Variants in VPS35L observed in about 807,000 individuals in gnomAD.
VPS35L encodes VPS35 endosomal protein-sorting factor-like.
In VPS35L, 83 loss-of-function variants were observed where a neutral mutation model predicts 133.0. The ratio of observed to expected loss-of-function variants is 0.62; its 90% CI spans 0.52 to 0.75. The LOEUF is 0.75. Ranked by LOEUF, VPS35L falls within the 30% of genes least tolerant of loss-of-function variation. The probability of loss-of-function intolerance (pLI) is 0.00; values close to 1 mark genes in which losing one functional copy is unlikely to be tolerated. For synonymous variants in VPS35L, 423 were observed against 449.9 expected, an observed-to-expected ratio of 0.94 and a Z score of 0.76; for missense variants, 1,083 against 1,206.8, an observed-to-expected ratio of 0.90 and a Z score of 1.52.
intron 26 of VPS35L, among the ~76,000 whole-genome samples, chr16:19,666,874 T>TTC (rs1209243268): frequency 3.6e-5 from 3 of 84,382 alleles, no homozygotes; most frequent in African/African-American, 4.8e-5. Flanking sequence ...GGCCATGTTT[T>TTC]TCTTTCTTTC....
At chr16:19,587,986 G>A (rs1056433303) in intron 7 of VPS35L, among the ~76,000 whole-genome samples, 11 of 151,668 alleles carry the variant, frequency 7.3e-5, no homozygotes, top group African/African-American at 2.7e-4. Flanking sequence ...TTTTAGTAGA[G>A]GTGGGGTTTC....
At chr16:19,686,509 G>A (rs1231353444) in intron 28 of VPS35L, among the ~76,000 whole-genome samples, 2 of 152,126 alleles carry the variant, frequency 1.3e-5, no homozygotes, top group Non-Finnish European at 2.9e-5. Flanking sequence ...GGATGCTTCT[G>A]TGAAGCCAAG....
At chr16:19,616,223 T>TA (rs1363177700) in intron 13 of VPS35L, 32 bp downstream of exon 13, 2 of 1,551,466 alleles carry the variant, frequency 1.3e-6, no homozygotes, top group South Asian at 2.2e-5. Flanking sequence ...AGCTCATCGA[T>TA]ATAACAGTTC....
At chr16:19,650,022 T>C (rs891572031) in intron 24 of VPS35L, among the ~76,000 whole-genome samples, 2 of 152,166 alleles carry the variant, frequency 1.3e-5, no homozygotes, top group African/African-American at 4.8e-5. Flanking sequence ...TGCTTTGGAG[T>C]TGTCTCTTAA....
At position 19,652,199 on chromosome 16, in the gene VPS35L, CAG is replaced by C. The variant is rs1411943033; in HGVS notation, c.2221+112_2221+113del. On this transcript the variant is annotated intron_variant, in intron 26 of 30. Transcript: ENST00000417362. ...AGACAAAGATTTCTTTTTTTAGAGACAGAGTCTCACTCTGTCACCCAGGCTGG... is the reference window on the plus strand; with the variant it reads ...AGACAAAGATTTCTTTTTTTAGAGACAGTCTCACTCTGTCACCCAGGCTGG... The C allele has an allele frequency of 1.2e-5, 10 of 802,800 alleles. No individual in the cohort carries two copies. In the South Asian group the frequency reaches 1.4e-4, roughly 12 times the overall value. 49.7% of individuals were successfully genotyped at this position (802,800 alleles called of 1,614,324 possible). A position where few individuals can be genotyped will look rare whatever the true frequency, so the allele number is the denominator to read the frequency against.
intron 27 of VPS35L, among the ~76,000 whole-genome samples, chr16:19,676,267 C>T (rs1975058853): frequency 6.6e-6 from 1 of 152,212 alleles, no homozygotes; most frequent in South Asian, 2.1e-4. Context: ...AACACACACA[C>T]AAAAAGAAAG....
intron 30 of VPS35L, 135 bp from the exon 31 acceptor site, chr16:19,700,243 C>T: frequency 4.3e-6 from 3 of 695,564 alleles, no homozygotes; most frequent in East Asian, 5.4e-5. Flanking sequence ...TTGATTTCTT[C>T]CCTCCTCTCA....
chr16:19,579,741 T>C (rs1971649513), intron 6 of VPS35L: 1 of 38,110 alleles, frequency 2.6e-5, no homozygotes, highest in Non-Finnish European at 4.0e-5. Context: ...AGCAGCCTTA[T>C]ATGGAGCACA....
chr16:19,583,896 C>T (rs1039383105), intron 7 of VPS35L, among the ~76,000 whole-genome samples: 5 of 152,150 alleles, frequency 3.3e-5, no homozygotes, highest in East Asian at 1.9e-4. Flanking sequence ...CTCTAGTCGT[C>T]GCTGTTCTAC....
At chr16:19,600,434 A>C (rs1480657762) in intron 8 of VPS35L, among the ~76,000 whole-genome samples, 1 of 152,172 alleles carries the variant, frequency 6.6e-6, no homozygotes, top group Non-Finnish European at 1.5e-5. Flanking sequence ...CAGGCTGCCT[A>C]CCTGTTGTGT....
At chr16:19,581,871 C>G in intron 7 of VPS35L, 1 of 594,352 alleles carries the variant, frequency 1.7e-6, no homozygotes, top group Non-Finnish European at 2.9e-6. Flanking sequence ...AGGTTGTGCA[C>G]TGCACAACTC....
intron 21 of VPS35L, among the ~76,000 whole-genome samples, chr16:19,640,648 T>C (rs747768121): frequency 1.8e-4 from 27 of 152,256 alleles, no homozygotes; most frequent in Admixed American, 2.6e-4. Context: ...AAATCAAATT[T>C]AGTTCTTTTC....
At chr16:19,568,493 G>A (rs577235848) in intron 2 of VPS35L, among the ~76,000 whole-genome samples, 164 of 152,054 alleles carry the variant, frequency 1.1e-3, no homozygotes, top group African/African-American at 3.6e-3. Context: ...CCGAAGGATG[G>A]GGAATGGGGC....
intron 1 of VPS35L, among the ~76,000 whole-genome samples, chr16:19,558,483 G>T (rs1479394666): frequency 6.6e-6 from 1 of 152,178 alleles, no homozygotes; most frequent in Non-Finnish European, 1.5e-5. Context: ...CCACTGCCTT[G>T]TCATGGGTCT....
chr16:19,565,013 C>A, intron 2 of VPS35L, 63 bp downstream of exon 2: 1 of 1,323,478 alleles, frequency 7.6e-7, no homozygotes, highest in Non-Finnish European at 1.1e-6. Flanking sequence ...AGACAATCTT[C>A]CTGAGTCTTT....
chr16:19,612,277 A>G (rs765344567), intron 12 of VPS35L, among the ~76,000 whole-genome samples: 20 of 143,352 alleles, frequency 1.4e-4, no homozygotes, highest in Non-Finnish European at 2.1e-4. Flanking sequence ...TTTTTGCACC[A>G]GAGTCTCACT....
intron 14 of VPS35L, among the ~76,000 whole-genome samples, chr16:19,618,401 A>T (rs1411013176): frequency 6.6e-6 from 1 of 152,258 alleles, no homozygotes; most frequent in African/African-American, 2.4e-5. Context: ...GGAGGCAAGC[A>T]TCAGAGAGGA....
rs1453045413 is a variant in VPS35L, at chr16:19,644,890, C to G, written c.1870C>G (p.Leu624Val). The G allele has an allele frequency of 6.3e-7, 1 of 1,594,552 alleles. No individual in the cohort carries two copies. Among genetic ancestry groups the G allele is most frequent in the Non-Finnish European group, 8.6e-7 (1 of 1,164,942 alleles). ...ATGTACAATTATTGATTTTAGTGCA[C>G]TCACTCTTGAGGATGAGAAAAGAAT... is the stretch of plus-strand genomic sequence containing the variant. ...CKTMHDSVNA[L>V]TLEDEKRMLS... is the part of the protein sequence containing the mutation. Residue 624 changes from leucine (L) to valine (V), a missense_variant, in exon 23 of 31, where the codon CTC (leucine) becomes GTC (valine). Physicochemically the swap from Leu to Val is conservative, Grantham distance 32. Coordinates refer to ENST00000417362, the MANE Select transcript of VPS35L (RefSeq NM_020314.7).
chr16:19,610,527 T>C (rs1972682927), intron 12 of VPS35L, 112 bp downstream of exon 12: 1 of 636,666 alleles, frequency 1.6e-6, no homozygotes, highest in Admixed American at 3.3e-5. Context: ...AGAAGGACTT[T>C]ATTAGTGGCT....
Sources: allele counts gnomAD v4.1 joint callset (sites outside exome capture counted in the v4.1 genomes callset), GRCh38; gene constraint gnomAD v4.1.1; transcripts MANE v1.5; gene names NCBI Gene and HGNC (gene_info 2026-07-23, HGNC 2026-07-21).